Variants in KANK1 observed in about 807,000 individuals in gnomAD.
KANK1 encodes the protein KN motif and ankyrin repeat domain-containing protein 1.
In KANK1, 109 loss-of-function variants were observed where a neutral mutation model predicts 106.2. That is an observed-to-expected ratio of 1.03 (90% confidence interval 0.88 to 1.20). The LOEUF (loss-of-function observed/expected upper bound fraction) is 1.20, where lower values mean the gene tolerates loss of function less well. Ranked by LOEUF, KANK1 falls within the 50% of genes most tolerant of loss-of-function variation. KANK1 has a pLI of 0.00. For missense variants in KANK1, 2,399 were observed against 1,710.7 expected (o/e 1.40, Z -7.10); for synonymous variants, 873 against 652.2 (o/e 1.34, Z -5.16).
At chr9:669,157 C>G (rs900878773) in intron 1 of KANK1, among the ~76,000 whole-genome samples, 2 of 152,198 alleles carry the variant, frequency 1.3e-5, no homozygotes, top group African/African-American at 4.8e-5. Flanking sequence ...TTGCCTATCT[C>G]TTAACAGATT....
At chr9:618,167 C>A (rs1403596576) in intron 1 of KANK1, among the ~76,000 whole-genome samples, 1 of 152,166 alleles carries the variant, frequency 6.6e-6, no homozygotes, top group East Asian at 1.9e-4. Context: ...AAAATTATGG[C>A]ATTCATTGAA....
At chr9:653,536 A>G (rs1168000541) in intron 1 of KANK1, among the ~76,000 whole-genome samples, 1 of 152,104 alleles carries the variant, frequency 6.6e-6, no homozygotes, top group African/African-American at 2.4e-5. Flanking sequence ...CCTCTTTTGG[A>G]TATTTAATAA....
intron 2 of KANK1, among the ~76,000 whole-genome samples, chr9:710,371 A>C (rs1403578006): frequency 6.6e-6 from 1 of 152,106 alleles, no homozygotes; most frequent in Admixed American, 6.5e-5. Context: ...TAATCCCAGC[A>C]CTTTGGGAGG....
At chr9:694,775 G>GCCTCTTAAC (rs1365062299) in intron 2 of KANK1, among the ~76,000 whole-genome samples, 24 of 152,114 alleles carry the variant, frequency 1.6e-4, no homozygotes, top group Non-Finnish European at 2.5e-4. Flanking sequence ...AGTAGAATTG[G>GCCTCTTAAC]CAATACCCAG....
intron 1 of KANK1, among the ~76,000 whole-genome samples, chr9:635,388 T>TG (rs1588448915): frequency 6.6e-6 from 1 of 152,198 alleles, no homozygotes; most frequent in South Asian, 2.1e-4. Flanking sequence ...TGAGGTCCTT[T>TG]GGGGCATGCC....
At chr9:636,825 A>T (rs1323998014) in intron 1 of KANK1, among the ~76,000 whole-genome samples, 2 of 152,190 alleles carry the variant, frequency 1.3e-5, no homozygotes, top group African/African-American at 4.8e-5. Flanking sequence ...CGAGATTGCC[A>T]TTGGACTCCA....
At position 732,364 on chromosome 9, in the gene KANK1, C is replaced by T; in HGVS notation, c.3006-14C>T. The stretch of plus-strand genomic sequence containing the variant: ...GCACACCTTGCATCTCCTGAAATCC[C>T]AATTGCCACCTAGGTATGAAACAAC... On this transcript the variant is annotated splice_polypyrimidine_tract_variant and intron_variant, in intron 5 of 11. Transcript: ENST00000382297. 6.2e-7 allele frequency: 1 copy of T among 1,601,678 alleles called. No individual in the cohort carries two copies. The highest frequency in any genetic ancestry group is 8.5e-7 in the Non-Finnish European group (1 of 1,169,992).
chr9:671,919 G>A (rs1421692620), intron 1 of KANK1, among the ~76,000 whole-genome samples: 1 of 152,112 alleles, frequency 6.6e-6, no homozygotes, highest in Non-Finnish European at 1.5e-5. Flanking sequence ...CTGCACTCCA[G>A]CCTGGGCTAC....
At chr9:586,005 T>G (rs1343913720) in intron 1 of KANK1, among the ~76,000 whole-genome samples, 1 of 152,222 alleles carries the variant, frequency 6.6e-6, no homozygotes, top group East Asian at 1.9e-4. Flanking sequence ...ACAAGAGAAC[T>G]TCAAAGTTTG....
chr9:566,085 T>A (rs186079679), intron 1 of KANK1, among the ~76,000 whole-genome samples: 13 of 152,356 alleles, frequency 8.5e-5, no homozygotes, highest in Admixed American at 8.5e-4. Flanking sequence ...TCTCATCATT[T>A]AGCTCCCATT....
chr9:503,130 C>T (rs1361892555), upstream of KANK1, among the ~76,000 whole-genome samples: 3 of 151,372 alleles, frequency 2.0e-5, no homozygotes, highest in South Asian at 2.1e-4. Context: ...TGAGCCACTG[C>T]GCCTGGCCGA....
At chr9:546,921 A>G (rs1217942035) in intron 1 of KANK1, among the ~76,000 whole-genome samples, 1 of 152,156 alleles carries the variant, frequency 6.6e-6, no homozygotes, top group African/African-American at 2.4e-5. Context: ...AAATGAGCCT[A>G]CTCTGGCTTT....
chr9:661,923 C>G (rs1356074009), intron 1 of KANK1, among the ~76,000 whole-genome samples: 1 of 152,078 alleles, frequency 6.6e-6, no homozygotes, highest in East Asian at 1.9e-4. Context: ...TAAATGTCTT[C>G]TTTTGAGAAG....
chr9:562,609 G>A (rs551527992), intron 1 of KANK1, among the ~76,000 whole-genome samples: 1 of 152,302 alleles, frequency 6.6e-6, no homozygotes, highest in Non-Finnish European at 1.5e-5. Context: ...TTCTTAACCT[G>A]CATAGGAGAT....
intron 2 of KANK1, among the ~76,000 whole-genome samples, chr9:688,950 A>G (rs1405104167): frequency 6.6e-6 from 1 of 152,202 alleles, no homozygotes; most frequent in Non-Finnish European, 1.5e-5. Flanking sequence ...TTTCTTGGGA[A>G]GGTCTCTACA....
chr9:738,522 C>T lies in KANK1; in HGVS notation c.3553+18C>T. 6.3e-7 allele frequency: 1 copy of T among 1,589,368 alleles called. No homozygotes were observed. Among genetic ancestry groups the T allele is most frequent in the Non-Finnish European group, 8.6e-7 (1 of 1,157,834 alleles). On this transcript the variant is annotated intron_variant, in intron 8 of 11. Transcript: ENST00000382297. ...AGATGCCGGTATGTTGGCTGCCCTT[C>T]CACCCTCTCTTCTCTAACAGTACTT...
chr9:668,296 G>C (rs1005681709), intron 1 of KANK1, among the ~76,000 whole-genome samples: 1 of 152,052 alleles, frequency 6.6e-6, no homozygotes, highest in Non-Finnish European at 1.5e-5. Flanking sequence ...TAGATGATCT[G>C]TTCATTGGTG....
intron 1 of KANK1, among the ~76,000 whole-genome samples, chr9:607,499 A>G (rs1829517805): frequency 6.6e-6 from 1 of 151,036 alleles, no homozygotes; most frequent in African/African-American, 2.5e-5. Flanking sequence ...AAAAAAAAAA[A>G]AAAAAAAAGG....
At chr9:490,293 C>G (rs920157211) in intron 3 of KANK1, among the ~76,000 whole-genome samples, 3 of 152,154 alleles carry the variant, frequency 2.0e-5, no homozygotes, top group African/African-American at 7.2e-5. Context: ...ATTGCTTGAG[C>G]TCAGGAGTTC....
Sources: gnomAD v4.1 joint callset for allele counts (sites outside exome capture counted in the v4.1 genomes callset) on GRCh38, gnomAD v4.1.1 for gene constraint, MANE v1.5 for transcripts, NCBI Gene and HGNC (gene_info 2026-07-23, HGNC 2026-07-21) for gene names.